The following GDA variants were observed in gnomAD, a reference collection of about 807,000 sequenced individuals.
The protein encoded by GDA is cytoplasmic PSD-95 interactor.
In GDA, 18 loss-of-function variants were observed where a neutral mutation model predicts 59.6. That is an observed-to-expected ratio of 0.30 (90% confidence interval 0.21 to 0.45). The LOEUF is 0.45. Among genes scored for constraint, GDA ranks in the 20% least tolerant of loss-of-function variants. The pLI is 1.00. For missense variants in GDA, 427 were observed against 552.3 expected (o/e 0.77, Z 2.27); for synonymous variants, 201 against 201.1 (o/e 1.00, Z 0.00).
chr9:72,124,650 T>C (rs1197095595), intron 1 of GDA, among the ~76,000 whole-genome samples: 4 of 152,192 alleles, frequency 2.6e-5, no homozygotes, highest in Non-Finnish European at 4.4e-5. Flanking sequence ...GTGTATGACA[T>C]CCACTAAATA....
chr9:72,178,990 T>C (rs1463865738), intron 1 of GDA, among the ~76,000 whole-genome samples: 3 of 152,194 alleles, frequency 2.0e-5, no homozygotes, highest in African/African-American at 7.2e-5. Flanking sequence ...CAAATTGTTA[T>C]CCTTTTCACA....
chr9:72,122,683 A>G (rs904902291), intron 1 of GDA, among the ~76,000 whole-genome samples: 25 of 151,882 alleles, frequency 1.6e-4, no homozygotes, highest in African/African-American at 6.1e-4. Flanking sequence ...GAGAGAAACA[A>G]AAGAGTTTAT....
At chr9:72,187,865 G>A (rs552970438) in intron 1 of GDA, among the ~76,000 whole-genome samples, 1 of 152,190 alleles carries the variant, frequency 6.6e-6, no homozygotes, top group African/African-American at 2.4e-5. Context: ...TGAGAAACAA[G>A]GTATTGGAAA....
chr9:72,231,724 GT>G (rs1054632474), intron 10 of GDA, among the ~76,000 whole-genome samples: 2 of 152,064 alleles, frequency 1.3e-5, no homozygotes, highest in African/African-American at 4.8e-5. Flanking sequence ...CTTGACTTTT[GT>G]TTTGTTTTGT....
At chr9:72,201,989 C>G (rs147116951) in intron 2 of GDA, among the ~76,000 whole-genome samples, 3 of 152,146 alleles carry the variant, frequency 2.0e-5, no homozygotes, top group African/African-American at 7.2e-5. Context: ...CTCCTGAGAT[C>G]GCCTGTCCCT....
intron 3 of GDA, among the ~76,000 whole-genome samples, chr9:72,203,401 C>T (rs1303228439): frequency 1.3e-5 from 2 of 152,096 alleles, no homozygotes; most frequent in Non-Finnish European, 2.9e-5. Flanking sequence ...GCACTGACAC[C>T]ACTAGAGGGA....
At chr9:72,257,109 G>T (rs1335200522), downstream of GDA, 2 of 152,384 alleles carry the variant, frequency 1.3e-5, no homozygotes, top group Non-Finnish European at 2.9e-5. Flanking sequence ...AGCAGGTGGG[G>T]AAGGAAATGC....
chr9:72,257,931 C>CG (rs1840904516), downstream of GDA: 1 of 127,234 alleles, frequency 7.9e-6, no homozygotes, highest in Non-Finnish European at 1.6e-5. Flanking sequence ...GACCTAGTCT[C>CG]GAAAAAAAAA....
intron 1 of GDA, among the ~76,000 whole-genome samples, chr9:72,115,081 G>T (rs562408355): frequency 6.6e-6 from 1 of 152,276 alleles, no homozygotes; most frequent in African/African-American, 2.4e-5. Context: ...GGGGATAAAG[G>T]CCCAGAAAAT....
chr9:72,169,524 T>A lies in GDA; in HGVS notation c.123+19842T>A, dbSNP rs549730499. ...AATAGAGCCATGATCTAACTTAATG[T>A]GGCTACTCTGAATGCATGCTTTCTC... On this transcript the variant is annotated intron_variant, in intron 1 of 13. Transcript: ENST00000358399. Among the ~76,000 whole-genome samples the A allele has an allele frequency of 2.4e-4, 36 of 152,338 alleles. No individual in the cohort carries two copies. The East Asian group carries it at 6.7e-3, about 29-fold the overall frequency.
chr9:72,162,936 C>A (rs1479348511), intron 1 of GDA, among the ~76,000 whole-genome samples: 1 of 152,154 alleles, frequency 6.6e-6, no homozygotes, highest in Admixed American at 6.5e-5. Flanking sequence ...GGATTACAGG[C>A]GTGAGCCAAT....
In GDA at chr9:72,248,659, A is replaced by G; in HGVS notation, c.*317A>G. On this transcript the variant is annotated 3_prime_UTR_variant, in exon 14 of 14. Transcript: ENST00000358399. Reference sequence around the variant, plus strand: ...AAGACTTAAGCAAAGCCTTTTTCATATTTGAAAATGTGGAAAGAAAAGATG... The same window carrying G: ...AAGACTTAAGCAAAGCCTTTTTCATGTTTGAAAATGTGGAAAGAAAAGATG... The G allele has an allele frequency of 9.5e-7, 1 of 1,054,544 alleles. No homozygotes were observed. Among genetic ancestry groups the G allele is most frequent in the Non-Finnish European group, 1.1e-6 (1 of 873,774 alleles). The allele number at this position is 1,054,544 out of a possible 1,614,324, so 65.3% of individuals were successfully genotyped here.
At chr9:72,205,515 C>G (rs547581147) in intron 3 of GDA, among the ~76,000 whole-genome samples, 11 of 152,092 alleles carry the variant, frequency 7.2e-5, no homozygotes, top group Non-Finnish European at 1.2e-4. Context: ...CTCTCAGAAC[C>G]AGGAAAGGTT....
Position 72,247,414 on chromosome 9 carries a change from C to A in GDA, c.1275C>A (p.Ile425=), listed in dbSNP as rs1840266020. The A allele has an allele frequency of 6.7e-7, 1 of 1,481,936 alleles. No individual in the cohort carries two copies. The highest frequency in any genetic ancestry group is 1.1e-5 in the South Asian group (1 of 88,512). The allele number at this position is 1,481,936 out of a possible 1,614,324, so 91.8% of individuals were successfully genotyped here. A position where few individuals can be genotyped will look rare whatever the true frequency, so the allele number is the denominator to read the frequency against. The stretch of plus-strand genomic sequence containing the variant: ...TTTATTTTCCATTTTAGGCTGTTAT[C>A]CAGAAGTTCCTCTATCTAGGTAGGT... ...DFFGDISEAV[I]QKFLYLGDDR... The change falls in exon 13 of 14, where the codon ATC becomes ATA. Residue 425 remains isoleucine, a synonymous_variant. Coordinates refer to ENST00000358399, the MANE Select transcript of GDA (RefSeq NM_004293.5).
intron 3 of GDA, among the ~76,000 whole-genome samples, chr9:72,203,168 C>T (rs578241558): frequency 1.2e-4 from 18 of 152,332 alleles, no homozygotes; most frequent in African/African-American, 3.8e-4. Context: ...ACCTATTTCA[C>T]AGGATTCTCA....
At chr9:72,157,420 C>T (rs1828046960) in intron 1 of GDA, among the ~76,000 whole-genome samples, 1 of 152,172 alleles carries the variant, frequency 6.6e-6, no homozygotes, top group Non-Finnish European at 1.5e-5. Context: ...CAGCCCAATG[C>T]ACCCTCATTA....
Position 72,223,158 on chromosome 9 carries a change from C to T in GDA, c.645C>T (p.Ser215=). ...AGCCCATAGTGACACCACGTTTTTCCCTCTCCTGCTCTGAGACTTTGATGG... is the reference window on the plus strand; with the variant it reads ...AGCCCATAGTGACACCACGTTTTTCTCTCTCCTGCTCTGAGACTTTGATGG... ...RVKPIVTPRF[S]LSCSETLMGE... is the part of the protein sequence containing the mutation. Residue 215 remains serine, a synonymous_variant, in exon 7 of 14, where the codon TCC becomes TCT. Coordinates refer to ENST00000358399, the MANE Select transcript of GDA (RefSeq NM_004293.5). The T allele has an allele frequency of 6.2e-7, 1 of 1,612,142 alleles. No homozygotes were observed. Among genetic ancestry groups the T allele is most frequent in the Non-Finnish European group, 8.5e-7 (1 of 1,178,380 alleles).
Position 72,223,196 on chromosome 9 carries a change from A to G in GDA, c.683A>G (p.Asn228Ser). Reference sequence around the variant, plus strand: ...GAGACTTTGATGGGTGAACTGGGCAACATTGCTAAAACCCGTGATTTGCAC... The same window carrying G: ...GAGACTTTGATGGGTGAACTGGGCAGCATTGCTAAAACCCGTGATTTGCAC... The part of the protein sequence containing the change: ...CSETLMGELG[N>S]IAKTRDLHIQ... Residue 228 changes from asparagine (N) to serine (S), a missense_variant, in exon 7 of 14, where the codon AAC becomes AGC. Asn to Ser is a conservative substitution (Grantham distance 46). Coordinates refer to ENST00000358399, the MANE Select transcript of GDA (RefSeq NM_004293.5). The G allele has an allele frequency of 1.2e-6, 2 of 1,612,574 alleles. No individual in the cohort carries two copies. Among genetic ancestry groups the G allele is most frequent in the Non-Finnish European group, 1.7e-6 (2 of 1,178,676 alleles).
At chr9:72,191,018 G>C (rs778352661) in intron 1 of GDA, among the ~76,000 whole-genome samples, 1 of 151,958 alleles carries the variant, frequency 6.6e-6, no homozygotes, top group Admixed American at 6.5e-5. Flanking sequence ...GAGTAGATGC[G>C]AATGGAAAAA....
Sources: gnomAD v4.1 joint callset for allele counts (sites outside exome capture counted in the v4.1 genomes callset) on GRCh38, gnomAD v4.1.1 for gene constraint, MANE v1.5 for transcripts, NCBI Gene and HGNC (gene_info 2026-07-23, HGNC 2026-07-21) for gene names.